Variants in FOXP1 observed in about 807,000 individuals in gnomAD.
FOXP1 encodes forkhead box protein P1.
Under a neutral mutation model 98.2 loss-of-function variants are expected in FOXP1, and 15 were observed. The observed-to-expected ratio is 0.15, with a 90% CI of 0.10 to 0.24. The LOEUF is 0.24. FOXP1 is among the 10% of genes least tolerant of loss of function. The probability of loss-of-function intolerance (pLI) is 1.00; values close to 1 mark genes in which losing one functional copy is unlikely to be tolerated. For missense variants in FOXP1, 633 were observed against 848.5 expected (o/e 0.75, Z 3.15); for synonymous variants, 371 against 314.5 (o/e 1.18, Z -1.90).
chr3:71,518,592 C>T (rs944951224), intron 2 of FOXP1, among the ~76,000 whole-genome samples: 6 of 152,074 alleles, frequency 3.9e-5, no homozygotes, highest in African/African-American at 1.4e-4. Flanking sequence ...ACTTACATGA[C>T]CCTTGCTCTT....
At chr3:70,959,867 A>C (rs563553701) in intron 20 of FOXP1, among the ~76,000 whole-genome samples, 58 of 152,268 alleles carry the variant, frequency 3.8e-4, no homozygotes, top group African/African-American at 1.4e-3. Flanking sequence ...CCCCCAAGTG[A>C]TGCCGGTGGT....
At chr3:71,139,313 T>C (rs1347988213) in intron 6 of FOXP1, among the ~76,000 whole-genome samples, 2 of 152,152 alleles carry the variant, frequency 1.3e-5, no homozygotes, top group Non-Finnish European at 2.9e-5. Flanking sequence ...CTGACTTCTC[T>C]AAATCAAACT....
At chr3:71,090,294 C>T (rs1360129076) in intron 7 of FOXP1, among the ~76,000 whole-genome samples, 1 of 152,156 alleles carries the variant, frequency 6.6e-6, no homozygotes, top group Non-Finnish European at 1.5e-5. Context: ...TAAACAGTAC[C>T]TCCCTGTTTG....
chr3:71,170,952 T>C (rs2061622640), intron 6 of FOXP1, among the ~76,000 whole-genome samples: 1 of 152,188 alleles, frequency 6.6e-6, no homozygotes, highest in African/African-American at 2.4e-5. Flanking sequence ...TCACTCTTTA[T>C]AATATCTGTA....
intron 3 of FOXP1, among the ~76,000 whole-genome samples, chr3:71,361,252 G>A (rs1250308074): frequency 1.3e-5 from 2 of 152,098 alleles, no homozygotes. Context: ...CGACTTATCA[G>A]AGCAACGAGA....
chr3:71,583,327 C>T (rs1453404559), intron 1 of FOXP1, among the ~76,000 whole-genome samples: 2 of 152,050 alleles, frequency 1.3e-5, no homozygotes, highest in Admixed American at 1.3e-4. Flanking sequence ...CGGCCCGCAG[C>T]CCCCACCCAT....
At chr3:71,451,619 G>A (rs967702807) in intron 3 of FOXP1, among the ~76,000 whole-genome samples, 5 of 151,980 alleles carry the variant, frequency 3.3e-5, no homozygotes, top group Non-Finnish European at 7.4e-5. Context: ...TTAACCTGAT[G>A]AACAATACAG....
At chr3:71,138,342 T>G (rs1396363399) in intron 6 of FOXP1, among the ~76,000 whole-genome samples, 1 of 152,162 alleles carries the variant, frequency 6.6e-6, no homozygotes, top group Non-Finnish European at 1.5e-5. Flanking sequence ...AATACATCAT[T>G]ATCAAAAATG....
chr3:71,412,017 A>G (rs2082789662), intron 3 of FOXP1, among the ~76,000 whole-genome samples: 1 of 152,194 alleles, frequency 6.6e-6, no homozygotes, highest in Non-Finnish European at 1.5e-5. Context: ...ATTACTATTA[A>G]AAGCGCAAGT....
intron 2 of FOXP1, among the ~76,000 whole-genome samples, chr3:71,505,771 T>C (rs926684802): frequency 6.6e-6 from 1 of 152,176 alleles, no homozygotes; most frequent in African/African-American, 2.4e-5. Context: ...CCTTCAATTC[T>C]CCCATTTTCT....
chr3:71,514,350 C>T (rs1006618972), intron 2 of FOXP1, among the ~76,000 whole-genome samples: 6 of 152,234 alleles, frequency 3.9e-5, no homozygotes, highest in African/African-American at 1.4e-4. Flanking sequence ...GCACAGCCCA[C>T]TCTCACTCCA....
chr3:71,184,954 A>ATCAC (rs2062558475), intron 6 of FOXP1, among the ~76,000 whole-genome samples: 1 of 152,130 alleles, frequency 6.6e-6, no homozygotes, highest in Non-Finnish European at 1.5e-5. Flanking sequence ...GCACTTTGGG[A>ATCAC]GGCCAAGGCA....
chr3:71,296,272 G>A (rs958095731), intron 5 of FOXP1: 12 of 152,192 alleles, frequency 7.9e-5, no homozygotes, highest in African/African-American at 2.7e-4. Flanking sequence ...CCTGGCATCT[G>A]AAGTCTACAT....
intron 3 of FOXP1, among the ~76,000 whole-genome samples, chr3:71,484,483 A>G (rs1252867254): frequency 3.9e-5 from 6 of 152,186 alleles, no homozygotes; most frequent in Non-Finnish European, 8.8e-5. Flanking sequence ...TTTATCAGGA[A>G]ATTGGCAAAG....
intron 6 of FOXP1, among the ~76,000 whole-genome samples, chr3:71,193,701 G>A (rs1366395617): frequency 2.6e-5 from 4 of 151,208 alleles, no homozygotes; most frequent in African/African-American, 9.7e-5. Flanking sequence ...AGCCCGCCTC[G>A]GCCTCCCTAA....
chr3:71,147,198 C>T (rs1472836068), intron 6 of FOXP1, among the ~76,000 whole-genome samples: 1 of 152,168 alleles, frequency 6.6e-6, no homozygotes, highest in Non-Finnish European at 1.5e-5. Flanking sequence ...TCCCTTCTTG[C>T]CCCCTATAAT....
At chr3:71,182,597 T>C (rs1227441578) in intron 6 of FOXP1, among the ~76,000 whole-genome samples, 2 of 150,082 alleles carry the variant, frequency 1.3e-5, no homozygotes, top group Non-Finnish European at 3.0e-5. Context: ...TCACCAGTCA[T>C]GGCTCACTGC....
At chr3:71,553,917 A>G (rs2045945919) in intron 2 of FOXP1, among the ~76,000 whole-genome samples, 2 of 152,210 alleles carry the variant, frequency 1.3e-5, no homozygotes, top group South Asian at 4.1e-4. Context: ...GTTTCTATTC[A>G]AGTGATATAT....
chr3:71,198,108 A>G (rs2063406560), intron 6 of FOXP1, 94 bp downstream of exon 6: 2 of 1,613,684 alleles, frequency 1.2e-6, no homozygotes, highest in African/African-American at 1.3e-5. Context: ...AGGTGAACAC[A>G]AAACACTGAT....
Sources: gnomAD v4.1 joint callset for allele counts (sites outside exome capture counted in the v4.1 genomes callset) on GRCh38, gnomAD v4.1.1 for gene constraint, MANE v1.5 for transcripts, NCBI Gene and HGNC (gene_info 2026-07-23, HGNC 2026-07-21) for gene names.